The following NT5M variants were observed in gnomAD, a reference collection of about 807,000 sequenced individuals.
NT5M encodes the protein 5',3'-nucleotidase, mitochondrial.
NT5M carries 22 observed loss-of-function variants against 22.2 expected under a neutral mutation model. That is an observed-to-expected ratio of 0.99 (90% CI 0.71 to 1.41). The LOEUF is 1.41. NT5M is among the 40% of genes most tolerant of loss of function. NT5M has a pLI of 0.00. For synonymous variants in NT5M, 167 were observed against 133.0 expected (o/e 1.26, Z -1.76); for missense variants, 322 against 314.8 (o/e 1.02, Z -0.17).
At chr17:17,336,294 G>A (rs1054394749) in intron 3 of NT5M, among the ~76,000 whole-genome samples, 14 of 151,960 alleles carry the variant, frequency 9.2e-5, no homozygotes, top group African/African-American at 3.4e-4. Context: ...GAGCCACCGC[G>A]CCCAGCCTAT....
intron 4 of NT5M, 151 bp downstream of exon 4, chr17:17,345,059 C>A: frequency 1.6e-6 from 2 of 1,247,844 alleles, no homozygotes; most frequent in Non-Finnish European, 2.2e-6. Flanking sequence ...GAAGACAAGG[C>A]CCCCTCTGTA....
At chr17:17,323,939 G>A (rs1360856877) in intron 3 of NT5M, among the ~76,000 whole-genome samples, 1 of 152,084 alleles carries the variant, frequency 6.6e-6, no homozygotes, top group Non-Finnish European at 1.5e-5. Flanking sequence ...GCAATGGCAC[G>A]ATCCTGGCTC....
chr17:17,345,688 G>A (rs2049745007), intron 4 of NT5M, among the ~76,000 whole-genome samples: 1 of 151,782 alleles, frequency 6.6e-6, no homozygotes, highest in Admixed American at 6.6e-5. Context: ...GCGCATGCCT[G>A]TGGTCCCTGC....
intron 1 of NT5M, among the ~76,000 whole-genome samples, chr17:17,304,068 C>T (rs1201082589): frequency 6.6e-6 from 1 of 152,222 alleles, no homozygotes; most frequent in Non-Finnish European, 1.5e-5. Context: ...CCTAACTCTG[C>T]ATTTAAAGCT....
chr17:17,303,539 G>C lies in NT5M; in HGVS notation c.-12G>C, dbSNP rs2048724794. The C allele has an allele frequency of 9.5e-7, 1 of 1,053,016 alleles. No homozygotes were observed. The highest frequency in any genetic ancestry group is 1.1e-6 in the Non-Finnish European group (1 of 874,880). 65.2% of individuals were successfully genotyped at this position (1,053,016 alleles called of 1,614,324 possible). A position where few individuals can be genotyped will look rare whatever the true frequency, so the allele number is the denominator to read the frequency against. On this transcript the variant is annotated 5_prime_UTR_variant, in exon 1 of 5. Transcript: ENST00000389022. Reference sequence around the variant, plus strand: ...AGGTCCCCGCGCCCACGACGGGCCAGCGCGCTGGGCCATGATCCGGCTGGG... The same window carrying C: ...AGGTCCCCGCGCCCACGACGGGCCACCGCGCTGGGCCATGATCCGGCTGGG...
chr17:17,343,232 G>T (rs2049684122), intron 3 of NT5M, among the ~76,000 whole-genome samples: 1 of 152,124 alleles, frequency 6.6e-6, no homozygotes, highest in Non-Finnish European at 1.5e-5. Flanking sequence ...TAGGAGAAGG[G>T]CCCTGTGCAT....
chr17:17,345,101 G>T (rs957986938), intron 4 of NT5M, 193 bp downstream of exon 4: 1 of 612,728 alleles, frequency 1.6e-6, no homozygotes, highest in Non-Finnish European at 2.0e-6. Flanking sequence ...TGGGAGCTGG[G>T]AGGAGTGGGT....
intron 1 of NT5M, chr17:17,304,385 G>T: frequency 4.1e-6 from 4 of 985,334 alleles, no homozygotes; most frequent in Non-Finnish European, 4.8e-6. Flanking sequence ...CTGAACACCT[G>T]AGCTCAACCC....
intron 3 of NT5M, among the ~76,000 whole-genome samples, chr17:17,337,917 AT>A (rs1377805164): frequency 6.6e-6 from 1 of 152,136 alleles, no homozygotes; most frequent in Non-Finnish European, 1.5e-5. Context: ...ATGTGATCCC[AT>A]TTGTCCGTGT....
At chr17:17,325,736 G>GCC (rs751870265) in intron 3 of NT5M, among the ~76,000 whole-genome samples, 41 of 152,152 alleles carry the variant, frequency 2.7e-4, no homozygotes, top group Admixed American at 5.2e-4. Context: ...CACCCACTGT[G>GCC]CCCCCCTCTC....
intron 4 of NT5M, among the ~76,000 whole-genome samples, chr17:17,346,483 C>T (rs1005351624): frequency 3.9e-5 from 6 of 152,020 alleles, no homozygotes; most frequent in Admixed American, 2.0e-4. Context: ...TGGCAGGGCA[C>T]GGAGAGGGAA....
intron 2 of NT5M, among the ~76,000 whole-genome samples, chr17:17,310,637 C>A (rs944065144): frequency 6.6e-6 from 1 of 152,022 alleles, no homozygotes; most frequent in Non-Finnish European, 1.5e-5. Context: ...GGAATTTGAG[C>A]CCAGTCTGGC....
intron 3 of NT5M, among the ~76,000 whole-genome samples, chr17:17,332,512 T>G (rs1009395801): frequency 3.3e-5 from 5 of 152,182 alleles, no homozygotes; most frequent in African/African-American, 4.8e-5. Flanking sequence ...TAGCTACATG[T>G]AGTTTTAGGT....
At chr17:17,304,013 A>G in intron 1 of NT5M, 196 bp downstream of exon 1, 1 of 1,231,448 alleles carries the variant, frequency 8.1e-7, no homozygotes, top group Middle Eastern at 3.1e-4. Context: ...GTTGGCTGCC[A>G]TCCAAGGTTT....
intron 2 of NT5M, among the ~76,000 whole-genome samples, chr17:17,321,059 A>G (rs886071012): frequency 8.5e-5 from 13 of 152,100 alleles, no homozygotes; most frequent in Admixed American, 2.0e-4. Flanking sequence ...CGAAGGGAGC[A>G]GCTGGAATGT....
intron 2 of NT5M, among the ~76,000 whole-genome samples, chr17:17,311,332 C>CTT (rs1345991574): frequency 1.1e-5 from 1 of 92,774 alleles, no homozygotes; most frequent in Non-Finnish European, 2.3e-5. Context: ...GAGTGAGACT[C>CTT]TGTCTCAAAA....
At chr17:17,315,567 A>G (rs2049004994) in intron 2 of NT5M, among the ~76,000 whole-genome samples, 1 of 152,104 alleles carries the variant, frequency 6.6e-6, no homozygotes, top group African/African-American at 2.4e-5. Flanking sequence ...GAGTCGGGAC[A>G]GGCCTTGCAG....
intron 1 of NT5M, chr17:17,304,447 T>G: frequency 1.0e-6 from 1 of 985,132 alleles, no homozygotes; most frequent in Non-Finnish European, 1.2e-6. Context: ...AGGGGAAAGA[T>G]CCAAGGAGGG....
intron 1 of NT5M, 99 bp from the exon 2 acceptor site, chr17:17,306,444 T>A (rs1256472873): frequency 1.2e-6 from 1 of 800,422 alleles, no homozygotes; most frequent in African/African-American, 1.7e-5. Context: ...GTGAGAGGAA[T>A]GAAGAACCAC....
Sources: gnomAD v4.1 joint callset for allele counts (sites outside exome capture counted in the v4.1 genomes callset) on GRCh38, gnomAD v4.1.1 for gene constraint, MANE v1.5 for transcripts, NCBI Gene and HGNC (gene_info 2026-07-23, HGNC 2026-07-21) for gene names.